Variants in NMUR2 observed in about 807,000 individuals in gnomAD.
The protein encoded by NMUR2 is neuromedin-U receptor 2.
In NMUR2, 24 loss-of-function variants were observed where a neutral mutation model predicts 25.1. That is an observed-to-expected ratio of 0.96 (90% CI 0.69 to 1.34). The LOEUF (loss-of-function observed/expected upper bound fraction) is 1.34, where lower values mean the gene tolerates loss of function less well. NMUR2 is among the 40% of genes most tolerant of loss of function. The pLI is 0.00. For synonymous variants in NMUR2, 218 were observed against 208.1 expected (o/e 1.05, Z -0.41); for missense variants, 533 against 512.8 (o/e 1.04, Z -0.38).
chr5:152,398,182 A>G, intron 1 of NMUR2, 38 bp from the exon 2 acceptor site: 1 of 1,468,480 alleles, frequency 6.8e-7, no homozygotes. Flanking sequence ...AGTAAGAAAG[A>G]GAAACATTTT....
intron 1 of NMUR2, among the ~76,000 whole-genome samples, chr5:152,401,244 A>G (rs961123359): frequency 6.6e-6 from 1 of 152,208 alleles, no homozygotes; most frequent in Admixed American, 6.5e-5. Flanking sequence ...GGAGGAGTGC[A>G]AATTTGTGAT....
chr5:152,392,206 G>A lies in NMUR2; in HGVS notation c.1233C>T (p.His411=). 6.2e-7 allele frequency: 1 copy of A among 1,610,962 alleles called. No homozygotes were observed. Among genetic ancestry groups the A allele is most frequent in the Non-Finnish European group, 8.5e-7 (1 of 1,177,704 alleles). The change falls in exon 4 of 4, where the codon CAC becomes CAT. Residue 411 remains histidine, a synonymous_variant. Coordinates refer to ENST00000255262, the MANE Select transcript of NMUR2 (RefSeq NM_020167.5). ...CTGAAAGAATTCAGGTTTTGTTAAA[G>A]TGGAAGCTTTGATAGTTTGTTCTTG... ...QMSRTNYQSF[H]FNKT
chr5:152,391,877 C>T lies in NMUR2; in HGVS notation c.*314G>A, dbSNP rs755821556. The T allele has an allele frequency of 6.8e-5, 16 of 235,712 alleles. No individual in the cohort carries two copies. The highest frequency in any genetic ancestry group is 1.1e-4 in the African/African-American group (5 of 44,040). 14.6% of individuals were successfully genotyped at this position (235,712 alleles called of 1,614,324 possible). On this transcript the variant is annotated 3_prime_UTR_variant, in exon 4 of 4. Coordinates refer to ENST00000255262, the MANE Select transcript of NMUR2 (RefSeq NM_020167.5). Reference sequence around the variant, plus strand: ...GACTCGGAACGTAGATGACTCAGGACGAACCATTTCCATTAATGGAAATTA... The same window carrying T: ...GACTCGGAACGTAGATGACTCAGGATGAACCATTTCCATTAATGGAAATTA...
At chr5:152,397,393 T>A (rs948454814) in intron 2 of NMUR2, among the ~76,000 whole-genome samples, 5 of 152,158 alleles carry the variant, frequency 3.3e-5, no homozygotes, top group African/African-American at 1.2e-4. Flanking sequence ...GTAAGTGAAT[T>A]TTTAAAAAGA....
At chr5:152,399,327 A>T (rs992869216) in intron 1 of NMUR2, among the ~76,000 whole-genome samples, 13 of 152,002 alleles carry the variant, frequency 8.6e-5, no homozygotes, top group Non-Finnish European at 2.9e-5. Flanking sequence ...TTAGTCTTTA[A>T]TTTGTATAGA....
chr5:152,400,969 G>T (rs1753241075), intron 1 of NMUR2, among the ~76,000 whole-genome samples: 1 of 152,192 alleles, frequency 6.6e-6, no homozygotes, highest in African/African-American at 2.4e-5. Context: ...TTATTTTGCA[G>T]CTTCCTTAGT....
intron 3 of NMUR2, among the ~76,000 whole-genome samples, chr5:152,394,052 G>T (rs1238464436): frequency 3.3e-5 from 5 of 152,100 alleles, no homozygotes; most frequent in African/African-American, 1.2e-4. Flanking sequence ...AAAGGGGGGA[G>T]ATGGTATCTG....
intron 2 of NMUR2, among the ~76,000 whole-genome samples, chr5:152,396,362 C>A (rs1753150906): frequency 6.6e-6 from 1 of 152,002 alleles, no homozygotes; most frequent in Non-Finnish European, 1.5e-5. Context: ...TGAGGTAATA[C>A]TTTTTGAAGC....
intron 1 of NMUR2, among the ~76,000 whole-genome samples, chr5:152,402,896 C>T (rs1753282626): frequency 6.6e-6 from 1 of 152,248 alleles, no homozygotes; most frequent in South Asian, 2.1e-4. Context: ...CCCAGATGTC[C>T]GTGACACTTA....
chr5:152,394,763 G>C (rs1753120816), intron 3 of NMUR2, among the ~76,000 whole-genome samples: 1 of 151,170 alleles, frequency 6.6e-6, no homozygotes. Flanking sequence ...AAGATATACA[G>C]CAATTACAGC....
At chr5:152,393,557 C>T (rs1753097426) in intron 3 of NMUR2, among the ~76,000 whole-genome samples, 1 of 152,056 alleles carries the variant, frequency 6.6e-6, no homozygotes, top group African/African-American at 2.4e-5. Flanking sequence ...AACTTCAAAG[C>T]ACATTGGGAG....
At chr5:152,392,678 G>T (rs1443206005) in intron 3 of NMUR2, among the ~76,000 whole-genome samples, 177 bp from the exon 4 acceptor site, 1 of 152,164 alleles carries the variant, frequency 6.6e-6, no homozygotes, top group Non-Finnish European at 1.5e-5. Flanking sequence ...TCTTCCACCT[G>T]TGCACTTAGC....
At chr5:152,396,506 G>A (rs1023240462) in intron 2 of NMUR2, among the ~76,000 whole-genome samples, 6 of 152,134 alleles carry the variant, frequency 3.9e-5, no homozygotes, top group African/African-American at 1.4e-4. Flanking sequence ...TTGTTTGCCT[G>A]TGTGGTATGG....
chr5:152,394,844 C>CT (rs34269811), intron 3 of NMUR2, among the ~76,000 whole-genome samples: 186 of 103,164 alleles, frequency 1.8e-3, no homozygotes, highest in African/African-American at 4.9e-3. Context: ...GTACAGGAGG[C>CT]TTTTTTTTTT....
rs753594169 is a variant in NMUR2, at chr5:152,404,430, G to A, written c.684C>T (p.Pro228=). Residue 228 remains proline (P), a synonymous_variant, in exon 1 of 4, where the codon CCC becomes CCT. Coordinates refer to ENST00000255262, the MANE Select transcript of NMUR2 (RefSeq NM_020167.5). ...AGTAGAGGACACTGATGACAGTCATGGGGAGGAGGTAGAATAGGAAGGAGG... is the reference window on the plus strand; with the variant it reads ...AGTAGAGGACACTGATGACAGTCATAGGGAGGAGGTAGAATAGGAAGGAGG... The part of the protein sequence containing the change: ...QVTSFLFYLL[P]MTVISVLYYL... 1.2e-6 allele frequency: 2 copies of A among 1,614,026 alleles called. No individual in the cohort carries two copies. The highest frequency in any genetic ancestry group is 1.7e-6 in the Non-Finnish European group (2 of 1,179,954).
rs1368158886 is a variant in NMUR2, at chr5:152,405,180, AAAAAAAGAAAAAAGGAAAAC to A, written c.-87_-68del. The A allele has an allele frequency of 1.2e-5, 18 of 1,494,956 alleles. No individual in the cohort carries two copies. Among genetic ancestry groups the A allele is most frequent in the South Asian group, 1.1e-4 (8 of 72,672 alleles). 92.6% of individuals were successfully genotyped at this position (1,494,956 alleles called of 1,614,324 possible). On this transcript the variant is annotated 5_prime_UTR_variant, in exon 1 of 4. Transcript: ENST00000255262. ...TTCAAGCTGAGCCAGGAAAAAAAAA[AAAAAAAGAAAAAAGGAAAAC>A]AAAAAAGAGAAAGCAGTCACGAAAG... is the stretch of plus-strand genomic sequence containing the variant.
chr5:152,399,420 G>A (rs1230681332), intron 1 of NMUR2, among the ~76,000 whole-genome samples: 1 of 152,058 alleles, frequency 6.6e-6, no homozygotes, highest in African/African-American at 2.4e-5. Context: ...CACAATGATT[G>A]AATAATGCAG....
chr5:152,405,193 A>T lies in NMUR2; in HGVS notation c.-80T>A. 1 of 1,454,644 alleles carries T rather than the reference A, an allele frequency of 6.9e-7. No individual in the cohort carries two copies. The highest frequency in any genetic ancestry group is 9.2e-7 in the Non-Finnish European group (1 of 1,086,804). 90.1% of individuals were successfully genotyped at this position (1,454,644 alleles called of 1,614,324 possible). A position where few individuals can be genotyped will look rare whatever the true frequency, so the allele number is the denominator to read the frequency against. On this transcript the variant is annotated 5_prime_UTR_variant, in exon 1 of 4. Coordinates refer to ENST00000255262, the MANE Select transcript of NMUR2 (RefSeq NM_020167.5). ...AGGAAAAAAAAAAAAAAAAGAAAAA[A>T]GGAAAACAAAAAAGAGAAAGCAGTC...
Position 152,405,051 on chromosome 5 carries a change from T to A in NMUR2, c.63A>T (p.Pro21=). 1 of 1,613,914 alleles carries A rather than the reference T, an allele frequency of 6.2e-7. No homozygotes were observed. The highest frequency in any genetic ancestry group is 1.1e-5 in the South Asian group (1 of 91,068). The change falls in exon 1 of 4, where the codon CCA becomes CCT. Residue 21 remains proline, a synonymous_variant. Coordinates refer to ENST00000255262, the MANE Select transcript of NMUR2 (RefSeq NM_020167.5). The part of the protein sequence containing the change: ...SWIYQQKLED[P]FQKHLNSTEE... ...CGGTGCTGTTCAGGTGTTTCTGGAA[T>A]GGATCTTCTAGTTTCTGCTGGTAGA...
Sources: allele counts gnomAD v4.1 joint callset (sites outside exome capture counted in the v4.1 genomes callset), GRCh38; gene constraint gnomAD v4.1.1; transcripts MANE v1.5; gene names NCBI Gene and HGNC (gene_info 2026-07-23, HGNC 2026-07-21).